Variants in HDAC10 observed in about 807,000 individuals in gnomAD.
HDAC10 encodes the protein polyamine deacetylase HDAC10.
Under a neutral mutation model 82.3 loss-of-function variants are expected in HDAC10, and 90 were observed. The ratio of observed to expected loss-of-function variants is 1.09; its 90% CI spans 0.92 to 1.30. The LOEUF (loss-of-function observed/expected upper bound fraction) is 1.30. Among genes scored for constraint, HDAC10 ranks in the 50% most tolerant of loss-of-function variants. The pLI is 0.00. For missense variants in HDAC10, 934 were observed against 876.3 expected (o/e 1.07, Z -0.83); for synonymous variants, 456 against 391.7 (o/e 1.16, Z -1.94).
At chr22:50,247,053 G>C in intron 14 of HDAC10, 87 bp from the exon 15 acceptor site, 1 of 766,150 alleles carries the variant, frequency 1.3e-6, no homozygotes, top group Non-Finnish European at 2.1e-6. Context: ...CATTCGGTGT[G>C]TCTCTGCGGC....
chr22:50,247,829 G>T, intron 13 of HDAC10, 53 bp from the exon 14 acceptor site: 1 of 1,612,408 alleles, frequency 6.2e-7, no homozygotes, highest in Non-Finnish European at 8.5e-7. Context: ...CGCAGGTCAG[G>T]CACACACAGG....
In HDAC10 at chr22:50,249,532, C is replaced by G; in HGVS notation, c.564-78G>C. ...CTACAGCTCCCTGTAGAACGCTGAC[C>G]CCTGAGCACATGTCTGTATCTCACC... On this transcript the variant is annotated intron_variant, in intron 6 of 19. Transcript: ENST00000216271. This position sits in a 1 kb window ranked among gnomAD's most constrained non-coding sequence, Gnocchi z 4.4. The G allele has an allele frequency of 6.2e-7, 1 of 1,605,444 alleles. No individual in the cohort carries two copies. Among genetic ancestry groups the G allele is most frequent in the Non-Finnish European group, 8.5e-7 (1 of 1,174,526 alleles).
rs772315508 is a variant in HDAC10 at position 50,246,730 on chromosome 22, A to G, written c.1520T>C (p.Leu507Pro). The change falls in exon 16 of 20, where the codon CTG becomes CCG. Residue 507 changes from leucine (L) to proline (P), a missense_variant. Coordinates refer to ENST00000216271, the MANE Select transcript of HDAC10 (RefSeq NM_032019.6). ...RGLSHGAQRL[L>P]CVALGQLDRP... ...GTCCAGCTGTCCCAGGGCCACGCAC[A>G]GCAGCCTGGAAGAAGAGCTGGCCTC... The G allele has an allele frequency of 4.5e-5, 73 of 1,612,408 alleles. 3 individuals carry two copies. In the Admixed American group the frequency reaches 1.2e-3, roughly 27 times the overall value.
Position 50,249,367 on chromosome 22 carries a change from T to C in HDAC10, c.651A>G (p.Gly217=), listed in dbSNP as rs1486637370. 1 of 1,612,312 alleles carries C rather than the reference T, an allele frequency of 6.2e-7. No homozygotes were observed. Among genetic ancestry groups the C allele is most frequent in the East Asian group, 2.2e-5 (1 of 44,848 alleles). Residue 217 remains glycine, a synonymous_variant, in exon 7 of 20, where the codon GGA becomes GGG. Transcript: ENST00000216271. This position sits in a 1 kb window ranked among gnomAD's most constrained non-coding sequence, Gnocchi z 4.4. The part of the protein sequence containing the change: ...RESDADAVGR[G]QGLGFTVNLP... ...GGTTGACAGTGAAGCCGAGGCCCTG[T>C]CCCCGCCCCACTGCGTCTGCATCTG...
chr22:50,250,623 C>A, intron 2 of HDAC10, 100 bp from the exon 3 acceptor site: 1 of 1,321,072 alleles, frequency 7.6e-7, no homozygotes, highest in Non-Finnish European at 1.1e-6. Context: ...GCCACCCTGT[C>A]ACTTCCTCAA....
rs773816736 is a variant in HDAC10, at chr22:50,250,114, A to G, written c.338T>C (p.Leu113Pro). 4.3e-6 allele frequency: 7 copies of G among 1,612,598 alleles called. No homozygotes were observed. In the Admixed American group the frequency reaches 1.2e-4, roughly 27 times the overall value. Residue 113 changes from leucine (L) to proline (P), a missense_variant, in exon 4 of 20, where the codon CTG (leucine) becomes CCG (proline). Leu to Pro is a moderately conservative substitution (Grantham distance 98, BLOSUM62 -3). Coordinates refer to ENST00000216271, the MANE Select transcript of HDAC10 (RefSeq NM_032019.6). ...AGCTCCAGTGAGCACAGCGTCCACC[A>G]GCTGCAGTCCAGCCCCTGCGGCCAG... ...ARLAAGAGLQLVDAVLTGAVQ... is the reference protein window; with the variant it reads ...ARLAAGAGLQPVDAVLTGAVQ...
Position 50,248,950 on chromosome 22 carries a change from C to T in HDAC10, c.757-60G>A, listed in dbSNP as rs992893983. 70 of 1,546,480 alleles carry T rather than the reference C, an allele frequency of 4.5e-5. No individual in the cohort carries two copies. Among genetic ancestry groups the T allele is most frequent in the Middle Eastern group, 1.7e-4 (1 of 5,900 alleles). On this transcript the variant is annotated intron_variant, in intron 8 of 19. Transcript: ENST00000216271. This position sits in a 1 kb window ranked among gnomAD's most constrained non-coding sequence, Gnocchi z 5.4. ...AGAGGGGCTGGAGCCCAGGTGAGGG[C>T]GAGCCAGGCCCATCCCATCCCCTCC...
At position 50,250,762 on chromosome 22, in the gene HDAC10, C is replaced by T; in HGVS notation, c.194+9G>A. Reference sequence around the variant, plus strand: ...CGCCCCCCATCGTGGGGCCTGCCCCCGTCCTGACCTGTGCACCAGGCCCAG... The same window carrying T: ...CGCCCCCCATCGTGGGGCCTGCCCCTGTCCTGACCTGTGCACCAGGCCCAG... On this transcript the variant is annotated intron_variant, in intron 2 of 19. Transcript: ENST00000216271. 3 of 1,576,280 alleles carry T rather than the reference C, an allele frequency of 1.9e-6. No individual in the cohort carries two copies. The highest frequency in any genetic ancestry group is 2.6e-6 in the Non-Finnish European group (3 of 1,161,832).
In HDAC10 at chr22:50,245,689, A is replaced by G; in HGVS notation, c.1972T>C (p.Trp658Arg). Residue 658 changes from tryptophan to arginine, a missense_variant, in exon 19 of 20, where the codon TGG (tryptophan) becomes CGG (arginine). Transcript: ENST00000216271. ...MYLRGQLEPQ[W>R]KMLQCHPHLV... The stretch of plus-strand genomic sequence containing the variant: ...GTCAGCCTCACCTGCAACATCTTCC[A>G]CTGAGGCTCCAGCTGCCCTCTCAGG... 6.2e-7 allele frequency: 1 copy of G among 1,612,994 alleles called. No individual in the cohort carries two copies. The highest frequency in any genetic ancestry group is 8.5e-7 in the Non-Finnish European group (1 of 1,179,870).
chr22:50,248,916 G>A lies in HDAC10; in HGVS notation c.757-26C>T. 6.2e-7 allele frequency: 1 copy of A among 1,605,294 alleles called. No homozygotes were observed. The highest frequency in any genetic ancestry group is 8.5e-7 in the Non-Finnish European group (1 of 1,176,402). On this transcript the variant is annotated intron_variant, in intron 8 of 19. Transcript: ENST00000216271. The surrounding 1 kb of genome is among the most constrained non-coding windows in gnomAD (Gnocchi z 5.4). ...CTACAGGCCAGGCCGGAGTGGGGAGGGTCGACAGAGAGGGGCTGGAGCCCA... is the reference window on the plus strand; with the variant it reads ...CTACAGGCCAGGCCGGAGTGGGGAGAGTCGACAGAGAGGGGCTGGAGCCCA...
Position 50,249,845 on chromosome 22 carries a change from C to A in HDAC10, c.494+15G>T. The A allele has an allele frequency of 6.2e-7, 1 of 1,610,612 alleles. No homozygotes were observed. The highest frequency in any genetic ancestry group is 1.3e-5 in the African/African-American group (1 of 74,960). On this transcript the variant is annotated intron_variant, in intron 5 of 19. Coordinates refer to ENST00000216271, the MANE Select transcript of HDAC10 (RefSeq NM_032019.6). The surrounding 1 kb of genome is among the most constrained non-coding windows in gnomAD (Gnocchi z 4.4). ...TGGCCTGGGCCCACCCCCCTGCAGCCAGCCTGGCACACACCTGTGTAGCCC... is the reference window on the plus strand; with the variant it reads ...TGGCCTGGGCCCACCCCCCTGCAGCAAGCCTGGCACACACCTGTGTAGCCC...
chr22:50,245,793 C>G lies in HDAC10; in HGVS notation c.1868G>C (p.Arg623Pro), dbSNP rs972369098. The G allele has an allele frequency of 1.3e-6, 2 of 1,590,774 alleles. No homozygotes were observed. The highest frequency in any genetic ancestry group is 2.7e-5 in the African/African-American group (2 of 74,184). ...AGGAGGTGCCTCTCCATTCAGCACC[C>G]GGGCCAGGATCCCTGCTAGCTGGGG... ...STPQLAGILA[R>P]VLNGEAPPSL... Residue 623 changes from arginine to proline, a missense_variant, in exon 19 of 20, where the codon CGG becomes CCG. Transcript: ENST00000216271.
chr22:50,248,549 C>A lies in HDAC10; in HGVS notation c.907-77G>T. The A allele has an allele frequency of 1.3e-6, 2 of 1,505,210 alleles. No individual in the cohort carries two copies. The highest frequency in any genetic ancestry group is 1.4e-5 in the African/African-American group (1 of 72,774). The allele number at this position is 1,505,210 out of a possible 1,614,324, so 93.2% of individuals were successfully genotyped here. Reference sequence around the variant, plus strand: ...TGTCACCGGGAGAGCCCCTGCCTGGCTCTATCCCGGGCAGGACGCCCCTCC... The same window carrying A: ...TGTCACCGGGAGAGCCCCTGCCTGGATCTATCCCGGGCAGGACGCCCCTCC... On this transcript the variant is annotated intron_variant, in intron 10 of 19. Transcript: ENST00000216271. The surrounding 1 kb of genome is among the most constrained non-coding windows in gnomAD (Gnocchi z 5.4).
chr22:50,250,344 C>T (rs990016823), intron 3 of HDAC10, 83 bp downstream of exon 3: 4 of 1,363,976 alleles, frequency 2.9e-6, no homozygotes, highest in Non-Finnish European at 4.2e-6. Context: ...GGGACACTGG[C>T]TGGGGTTGGC....
At chr22:50,247,851 A>T (rs1569134731) in intron 13 of HDAC10, 39 bp downstream of exon 13, 3 of 1,612,668 alleles carry the variant, frequency 1.9e-6, no homozygotes, top group Non-Finnish European at 1.7e-6. Context: ...ACAGGTGTAG[A>T]TGCGGCCCCA....
chr22:50,245,314 C>CGGGGGCGAGGTGAGGTGAGGGGT lies in HDAC10; in HGVS notation c.*170_*192dup. 1 of 517,798 alleles carries CGGGGGCGAGGTGAGGTGAGGGGT rather than the reference C, an allele frequency of 1.9e-6. No homozygotes were observed. Among genetic ancestry groups the CGGGGGCGAGGTGAGGTGAGGGGT allele is most frequent in the Non-Finnish European group, 3.3e-6 (1 of 300,202 alleles). 32.1% of individuals were successfully genotyped at this position (517,798 alleles called of 1,614,324 possible). On this transcript the variant is annotated 3_prime_UTR_variant, in exon 20 of 20. Coordinates refer to ENST00000216271, the MANE Select transcript of HDAC10 (RefSeq NM_032019.6). ...ACGGGCCGGGGCGCGATGGGTGGGGCGGGGGCGAGGTGAGGTGAGGGGTGG... is the reference window on the plus strand; with the variant it reads ...ACGGGCCGGGGCGCGATGGGTGGGGCGGGGGCGAGGTGAGGTGAGGGGTGGGGGCGAGGTGAGGTGAGGGGTGG...
At chr22:50,250,666 G>C in intron 2 of HDAC10, 105 bp downstream of exon 2, 1 of 1,351,222 alleles carries the variant, frequency 7.4e-7, no homozygotes, top group Non-Finnish European at 1.0e-6. Context: ...CATAGGGAGA[G>C]GCTCTGTATT....
rs1263088798 is a variant in HDAC10 at position 50,245,841 on chromosome 22, G to A, written c.1834-14C>T. ...GGGTGTGGAGTTCTGGACCAGGGGC[G>A]AAGACGGAAGCAGTCACTGGTCCTT... On this transcript the variant is annotated splice_polypyrimidine_tract_variant and intron_variant, in intron 18 of 19. Coordinates refer to ENST00000216271, the MANE Select transcript of HDAC10 (RefSeq NM_032019.6). The A allele has an allele frequency of 1.9e-6, 3 of 1,560,290 alleles. No homozygotes were observed. The highest frequency in any genetic ancestry group is 1.4e-5 in the African/African-American group (1 of 73,348).
Position 50,249,306 on chromosome 22 carries a change from C to T in HDAC10, c.690+22G>A. The T allele has an allele frequency of 6.4e-7, 1 of 1,569,474 alleles. No homozygotes were observed. Among genetic ancestry groups the T allele is most frequent in the Non-Finnish European group, 8.6e-7 (1 of 1,157,516 alleles). On this transcript the variant is annotated intron_variant, in intron 7 of 19. Coordinates refer to ENST00000216271, the MANE Select transcript of HDAC10 (RefSeq NM_032019.6). This position sits in a 1 kb window ranked among gnomAD's most constrained non-coding sequence, Gnocchi z 4.4. The stretch of plus-strand genomic sequence containing the variant: ...CCAGGGGGAGGGGGCTGGGTGGGGA[C>T]CTGGGGCTTGAGGGTGGGCACCTGG...
Sources: allele counts gnomAD v4.1 joint callset, GRCh38; gene constraint gnomAD v4.1.1; non-coding constraint Gnocchi (gnomAD v3.1); transcripts MANE v1.5; gene names NCBI Gene and HGNC (gene_info 2026-07-23, HGNC 2026-07-21).